C3orf22: variants seen among roughly 807,000 people sequenced by gnomAD.
C3orf22 encodes uncharacterized protein C3orf22.
A neutral mutation model predicts 10.8 loss-of-function variants in C3orf22; 7 were observed. The ratio of observed to expected loss-of-function variants is 0.65; its 90% confidence interval spans 0.37 to 1.22. C3orf22 has a LOEUF of 1.22. Ranked by LOEUF, C3orf22 falls within the 50% of genes most tolerant of loss-of-function variation. The pLI is 0.02. For synonymous variants in C3orf22, 79 were observed against 78.9 expected (o/e 1.00, Z 0.00); for missense variants, 173 against 177.0 (o/e 0.98, Z 0.13).
chr3:126,544,380 C>T (rs1336164781), intron 4 of C3orf22, among the ~76,000 whole-genome samples: 1 of 152,200 alleles, frequency 6.6e-6, no homozygotes, highest in East Asian at 1.9e-4. Context: ...ATAAATTACC[C>T]AGTTTCAGGA....
chr3:126,533,215 C>A (rs1936694716), intron 4 of C3orf22, among the ~76,000 whole-genome samples: 1 of 152,040 alleles, frequency 6.6e-6, no homozygotes, highest in African/African-American at 2.4e-5. Flanking sequence ...AACCTGGATG[C>A]CTTTTATTTA....
intron 3 of C3orf22, 102 bp from the exon 4 acceptor site, chr3:126,550,180 C>A: frequency 7.7e-7 from 1 of 1,290,940 alleles, no homozygotes; most frequent in Non-Finnish European, 1.1e-6. Context: ...GGGAGGGCTC[C>A]AACTGAGATC....
chr3:126,556,243 C>A (rs911219252), intron 1 of C3orf22, among the ~76,000 whole-genome samples: 2 of 152,158 alleles, frequency 1.3e-5, no homozygotes, highest in Non-Finnish European at 2.9e-5. Context: ...TGCACTAGGC[C>A]ATGCACAGAG....
chr3:126,555,841 G>A (rs542424627), intron 1 of C3orf22, among the ~76,000 whole-genome samples: 133 of 152,260 alleles, frequency 8.7e-4, no homozygotes, highest in African/African-American at 2.4e-3. Flanking sequence ...CTTTGTCTCC[G>A]CAGGCTCCCC....
At chr3:126,557,065 T>TTCACACACAGATTCAC (rs1403810601) in intron 1 of C3orf22, among the ~76,000 whole-genome samples, 14 of 148,454 alleles carry the variant, frequency 9.4e-5, no homozygotes, top group African/African-American at 3.5e-4. Context: ...GACTCACACA[T>TTCACACACAGATTCAC]TCACACACAG....
chr3:126,537,906 C>G (rs761241482), intron 4 of C3orf22, among the ~76,000 whole-genome samples: 25 of 152,206 alleles, frequency 1.6e-4, no homozygotes, highest in Non-Finnish European at 3.5e-4. Flanking sequence ...GCAAAGGTCA[C>G]AGAGCTTCTA....
intron 3 of C3orf22, among the ~76,000 whole-genome samples, chr3:126,550,719 C>G (rs992738887): frequency 2.0e-5 from 3 of 152,224 alleles, no homozygotes; most frequent in African/African-American, 2.4e-5. Flanking sequence ...ATGCCCACTC[C>G]CCCAGCCCTG....
In C3orf22 at chr3:126,528,675, G is replaced by A. The variant is rs529861879; in HGVS notation, c.*218+457C>T. On this transcript the variant is annotated intron_variant and NMD_transcript_variant, in intron 5 of 5. Transcript: ENST00000505070. The stretch of plus-strand genomic sequence containing the variant: ...TCCGGAGGGTTCTGGAGGCACAGCC[G>A]ACAGGACTGTGCTCAAGGGGGATCT... Among the ~76,000 whole-genome samples the A allele has an allele frequency of 3.9e-5, 6 of 152,272 alleles. No individual in the cohort carries two copies. In the East Asian group the frequency reaches 7.7e-4, roughly 20 times the overall value.
chr3:126,528,954 C>T (rs571846323), intron 5 of C3orf22, among the ~76,000 whole-genome samples: 3 of 152,234 alleles, frequency 2.0e-5, no homozygotes, highest in African/African-American at 4.8e-5. Flanking sequence ...TCGGAGGCCA[C>T]GTGGGAACCT....
chr3:126,552,652 G>A (rs1051443363), intron 2 of C3orf22, among the ~76,000 whole-genome samples: 2 of 152,302 alleles, frequency 1.3e-5, no homozygotes, highest in East Asian at 3.9e-4. Context: ...CGTGGTCCCT[G>A]TGGGTAGCCC....
chr3:126,542,178 G>A lies in C3orf22; in HGVS notation c.286+7359C>T, dbSNP rs1267985670. 2.1e-6 allele frequency: 3 copies of A among 1,451,724 alleles called. No individual in the cohort carries two copies. In the East Asian group the frequency reaches 8.6e-5, roughly 42 times the overall value. 89.9% of individuals were successfully genotyped at this position (1,451,724 alleles called of 1,614,324 possible). ...GGTGCACGCATCGTTCAGCGCCTGC[G>A]GCCGCGCGCGCTCCCCGACGCCCGG... On this transcript the variant is annotated intron_variant and NMD_transcript_variant, in intron 4 of 5. Transcript: ENST00000505070.
At chr3:126,554,734 A>G (rs1937287047) in intron 1 of C3orf22, among the ~76,000 whole-genome samples, 1 of 152,094 alleles carries the variant, frequency 6.6e-6, no homozygotes, top group African/African-American at 2.4e-5. Flanking sequence ...ACCACACGGG[A>G]CCCTGAAGCA....
At position 126,554,958 on chromosome 3, in the gene C3orf22, G is replaced by A. The variant is rs1310416685; in HGVS notation, c.-40-1528C>T. On this transcript the variant is annotated intron_variant, in intron 1 of 3. Coordinates refer to ENST00000318225, the MANE Select transcript of C3orf22 (RefSeq NM_152533.3). ...GAAATGCCCTAGGTCCGTGCTGTCC[G>A]AGACGGCAGCTGCTGGCTACATGAG... is the stretch of plus-strand genomic sequence containing the variant. 2.0e-5 allele frequency among the ~76,000 whole-genome samples: 3 copies of A among 152,348 alleles called. No homozygotes were observed. The Middle Eastern group carries it at 0.01, about 518-fold the overall frequency.
chr3:126,542,148 G>T, intron 4 of C3orf22: 1 of 1,553,138 alleles, frequency 6.4e-7, no homozygotes. Context: ...TTCCAGAGGC[G>T]CTACGGTGCA....
At chr3:126,533,757 T>C (rs1936706858) in intron 4 of C3orf22, among the ~76,000 whole-genome samples, 1 of 152,188 alleles carries the variant, frequency 6.6e-6, no homozygotes, top group South Asian at 2.1e-4. Flanking sequence ...GGAAGTGTTC[T>C]CTCCTCTTCT....
At chr3:126,534,690 G>A (rs1218215794) in intron 4 of C3orf22, among the ~76,000 whole-genome samples, 1 of 149,222 alleles carries the variant, frequency 6.7e-6, no homozygotes, top group Non-Finnish European at 1.5e-5. Flanking sequence ...GAGACAGATA[G>A]ACAGCATTGC....
At chr3:126,555,718 G>T (rs1937312310) in intron 1 of C3orf22, among the ~76,000 whole-genome samples, 1 of 152,108 alleles carries the variant, frequency 6.6e-6, no homozygotes, top group African/African-American at 2.4e-5. Context: ...TGCCAAAAAG[G>T]TTAGGGACCA....
At chr3:126,529,638 C>A (rs1270585424) in intron 4 of C3orf22, among the ~76,000 whole-genome samples, 1 of 152,138 alleles carries the variant, frequency 6.6e-6, no homozygotes, top group East Asian at 1.9e-4. Flanking sequence ...GGCCTGCAGT[C>A]CCCACCATGC....
chr3:126,556,867 T>TAC (rs369889567), intron 1 of C3orf22, among the ~76,000 whole-genome samples: 1,662 of 131,006 alleles, frequency 0.013, 26 homozygotes, highest in African/African-American at 0.037. Flanking sequence ...CAGACTCACA[T>TAC]ACACACACAC....
Sources: allele counts gnomAD v4.1 joint callset (sites outside exome capture counted in the v4.1 genomes callset), GRCh38; gene constraint gnomAD v4.1.1; transcripts MANE v1.5; gene names NCBI Gene and HGNC (gene_info 2026-07-23, HGNC 2026-07-21).